STYK1: variants seen among roughly 807,000 people sequenced by gnomAD.
The protein encoded by STYK1 is STY kinase 1.
STYK1 carries 46 observed loss-of-function variants against 48.1 expected under a neutral mutation model. That is an observed-to-expected ratio of 0.96 (90% confidence interval 0.75 to 1.22). The LOEUF (loss-of-function observed/expected upper bound fraction) is 1.22, where lower values mean the gene tolerates loss of function less well. Among genes scored for constraint, STYK1 ranks in the 50% most tolerant of loss-of-function variants. The pLI is 0.00. For synonymous variants in STYK1, 188 were observed against 189.0 expected, an observed-to-expected ratio of 0.99 and a Z score of 0.04; for missense variants, 527 against 521.1, an observed-to-expected ratio of 1.01 and a Z score of -0.11.
At position 10,672,890 on chromosome 12, in the gene STYK1, T is replaced by C. The variant is rs1339314474; in HGVS notation, c.-195+1076A>G. ...TAGCTGCCCCCTAGCTAGCTGTCAG[T>C]GGAGATTCCGGTGCATTGAGGGGGA... On this transcript the variant is annotated intron_variant, in intron 1 of 10. Coordinates refer to ENST00000075503, the MANE Select transcript of STYK1 (RefSeq NM_018423.3). This position sits in a 1 kb window ranked among gnomAD's most constrained non-coding sequence, Gnocchi z 4.0. Among the ~76,000 whole-genome samples, 1 of 152,172 alleles carries C rather than the reference T, an allele frequency of 6.6e-6. No individual in the cohort carries two copies. The highest frequency in any genetic ancestry group is 1.9e-4 in the East Asian group (1 of 5,196).
At chr12:10,659,892 C>T (rs1353725276) in intron 1 of STYK1, among the ~76,000 whole-genome samples, 1 of 152,122 alleles carries the variant, frequency 6.6e-6, no homozygotes, top group South Asian at 2.1e-4. Flanking sequence ...AACTATGGTA[C>T]ACCTGTTGTT....
chr12:10,620,113 T>C lies in STYK1; in HGVS notation c.*31A>G. On this transcript the variant is annotated 3_prime_UTR_variant, in exon 11 of 11. Coordinates refer to ENST00000075503, the MANE Select transcript of STYK1 (RefSeq NM_018423.3). ...AGGAATTGATTCCAAGAACATATAC[T>C]CATGCATGAATGTTTCTTGCCCGAG... is the stretch of plus-strand genomic sequence containing the variant. The C allele has an allele frequency of 6.2e-7, 1 of 1,611,722 alleles. No individual in the cohort carries two copies. Among genetic ancestry groups the C allele is most frequent in the Middle Eastern group, 1.7e-4 (1 of 6,026 alleles).
intron 10 of STYK1, among the ~76,000 whole-genome samples, chr12:10,620,638 G>A (rs2417908): frequency 0.79 from 119,687 of 152,160 alleles, 47,310 homozygotes; most frequent in East Asian, 0.99. Context: ...TTGCTGTAAC[G>A]TTGTAAGCAT....
chr12:10,659,035 T>G (rs1947748386), intron 1 of STYK1, among the ~76,000 whole-genome samples: 1 of 152,146 alleles, frequency 6.6e-6, no homozygotes, highest in Non-Finnish European at 1.5e-5. Context: ...TCTGATAACT[T>G]TGGAGATTGT....
intron 1 of STYK1, among the ~76,000 whole-genome samples, chr12:10,645,206 G>A (rs529682775): frequency 1.4e-4 from 21 of 152,310 alleles, no homozygotes; most frequent in African/African-American, 4.8e-4. Context: ...AGGCAACATG[G>A]AGGTCACCCA....
At chr12:10,658,163 T>C (rs2120775053) in intron 1 of STYK1, among the ~76,000 whole-genome samples, 1 of 152,322 alleles carries the variant, frequency 6.6e-6, no homozygotes, top group African/African-American at 2.4e-5. Context: ...AACAGGGTGT[T>C]CTTAGAGCAG....
intron 1 of STYK1, among the ~76,000 whole-genome samples, chr12:10,643,298 A>G (rs1013119316): frequency 1.3e-5 from 2 of 152,186 alleles, no homozygotes; most frequent in Admixed American, 1.3e-4. Context: ...AAATGCAACC[A>G]CAATGGTTGA....
rs755904587 is a variant in STYK1 at position 10,631,112 on chromosome 12, G to C, written c.384C>G (p.Ile128Met). The C allele has an allele frequency of 1.2e-6, 2 of 1,614,170 alleles. No individual in the cohort carries two copies. Among genetic ancestry groups the C allele is most frequent in the African/African-American group, 2.7e-5 (2 of 75,036 alleles). The change falls in exon 5 of 11, where the codon ATC becomes ATG. Residue 128 changes from isoleucine to methionine, a missense_variant. Coordinates refer to ENST00000075503, the MANE Select transcript of STYK1 (RefSeq NM_018423.3). ...CCCCAGTGTTCATATTGGCTCGAAA[G>C]ATGGGCCCACAGCTACCACTGCAAA... ...EQICSGSCGP[I>M]FRANMNTGDP...
intron 1 of STYK1, among the ~76,000 whole-genome samples, chr12:10,658,888 C>T (rs1947746994): frequency 1.3e-5 from 2 of 152,116 alleles, no homozygotes; most frequent in African/African-American, 2.4e-5. Context: ...AACCATATTT[C>T]CTTGTTAATC....
intron 1 of STYK1, among the ~76,000 whole-genome samples, chr12:10,637,602 A>G (rs1019752834): frequency 6.6e-6 from 1 of 152,092 alleles, no homozygotes; most frequent in East Asian, 1.9e-4. Context: ...TGGCCTCCCA[A>G]AGTGCTGGGA....
At chr12:10,655,792 C>T (rs1947711458) in intron 1 of STYK1, among the ~76,000 whole-genome samples, 1 of 152,100 alleles carries the variant, frequency 6.6e-6, no homozygotes, top group Non-Finnish European at 1.5e-5. Context: ...ATTGTGTGGC[C>T]TGGCTGAAGT....
Position 10,620,031 on chromosome 12 carries a change from A to G in STYK1, c.*113T>C. On this transcript the variant is annotated 3_prime_UTR_variant, in exon 11 of 11. Transcript: ENST00000075503. ...GAGAAATGTGTAAAGGAAGATCAAG[A>G]ATCCATGTCCCATTTCTCCCTTTGT... 8.5e-7 allele frequency: 1 copy of G among 1,181,354 alleles called. No homozygotes were observed. 73.2% of individuals were successfully genotyped at this position (1,181,354 alleles called of 1,614,324 possible).
intron 9 of STYK1, 146 bp downstream of exon 9, chr12:10,622,492 G>GA (rs1238661428): frequency 3.7e-6 from 3 of 801,298 alleles, no homozygotes; most frequent in Non-Finnish European, 5.9e-6. Flanking sequence ...ACTATCACGG[G>GA]AATCAGGCTT....
rs1591710527 is a variant in STYK1 at position 10,672,675 on chromosome 12, C to A, written c.-195+1291G>T. On this transcript the variant is annotated intron_variant, in intron 1 of 10. Coordinates refer to ENST00000075503, the MANE Select transcript of STYK1 (RefSeq NM_018423.3). This position sits in a 1 kb window ranked among gnomAD's most constrained non-coding sequence, Gnocchi z 4.0. ...TCATTCTGAAACCATCTCCCGCCAA[C>A]CTCATCGGCATCTGTGAAAAAAATT... is the stretch of plus-strand genomic sequence containing the variant. Among the ~76,000 whole-genome samples the A allele has an allele frequency of 1.3e-5, 2 of 152,320 alleles. No individual in the cohort carries two copies. The highest frequency in any genetic ancestry group is 4.1e-4 in the South Asian group (2 of 4,826).
chr12:10,623,068 T>A (rs1947315648), intron 8 of STYK1, among the ~76,000 whole-genome samples: 1 of 148,068 alleles, frequency 6.8e-6, no homozygotes, highest in Non-Finnish European at 1.5e-5. Context: ...TTGCCTTTAT[T>A]CTTAGCACAA....
chr12:10,624,680 G>A lies in STYK1; in HGVS notation c.897C>T (p.Leu299=). 1.2e-6 allele frequency: 2 copies of A among 1,614,126 alleles called. No homozygotes were observed. The highest frequency in any genetic ancestry group is 1.7e-6 in the Non-Finnish European group (2 of 1,180,030). Residue 299 remains leucine (L), a synonymous_variant, in exon 8 of 11, where the codon CTC becomes CTT. Coordinates refer to ENST00000075503, the MANE Select transcript of STYK1 (RefSeq NM_018423.3). ...PLKWLAPERL[L]LRPASIRADV... Reference sequence around the variant, plus strand: ...CTGCTCTGATGCTAGCAGGTCTCAGGAGAAGCCGTTCTGGGGCAAGCCACT... The same window carrying A: ...CTGCTCTGATGCTAGCAGGTCTCAGAAGAAGCCGTTCTGGGGCAAGCCACT...
chr12:10,655,666 C>G (rs535042516), intron 1 of STYK1, among the ~76,000 whole-genome samples: 2 of 152,270 alleles, frequency 1.3e-5, no homozygotes, highest in East Asian at 3.9e-4. Flanking sequence ...GTAAAAACTG[C>G]TAATCATCTC....
intron 1 of STYK1, among the ~76,000 whole-genome samples, chr12:10,667,752 C>T (rs1428715610): frequency 6.6e-6 from 1 of 152,182 alleles, no homozygotes; most frequent in Non-Finnish European, 1.5e-5. Context: ...GCACATAATG[C>T]TCAGAAGCTT....
intron 1 of STYK1, chr12:10,673,765 C>T (rs1212620695): frequency 6.6e-6 from 1 of 152,272 alleles, no homozygotes; most frequent in Non-Finnish European, 1.5e-5. Flanking sequence ...CCAAACCCCA[C>T]AAGATGCTGG....
Sources: allele counts gnomAD v4.1 joint callset (sites outside exome capture counted in the v4.1 genomes callset), GRCh38; gene constraint gnomAD v4.1.1; non-coding constraint Gnocchi (gnomAD v3.1); transcripts MANE v1.5; gene names NCBI Gene and HGNC (gene_info 2026-07-23, HGNC 2026-07-21).